NR3C2: variants seen among roughly 807,000 people sequenced by gnomAD.
The protein encoded by NR3C2 is mineralocorticoid receptor.
In NR3C2, 15 loss-of-function variants were observed where a neutral mutation model predicts 86.4. The ratio of observed to expected loss-of-function variants is 0.17; its 90% CI spans 0.12 to 0.27. The LOEUF (loss-of-function observed/expected upper bound fraction) is 0.27, where lower values mean the gene tolerates loss of function less well. NR3C2 is among the 10% of genes least tolerant of loss of function. The pLI, the probability that NR3C2 is intolerant of heterozygous loss-of-function variation, is 1.00. For synonymous variants in NR3C2, 458 were observed against 450.5 expected, an observed-to-expected ratio of 1.02 and a Z score of -0.21; for missense variants, 960 against 1,195.6, an observed-to-expected ratio of 0.80 and a Z score of 2.91.
intron 4 of NR3C2, among the ~76,000 whole-genome samples, chr4:148,173,164 G>A (rs1400795588): frequency 6.6e-6 from 1 of 152,232 alleles, no homozygotes; most frequent in African/African-American, 2.4e-5. Flanking sequence ...GGGGAATGAG[G>A]TGGGTGACAG....
intron 6 of NR3C2, among the ~76,000 whole-genome samples, chr4:148,132,716 T>C (rs1733093319): frequency 6.6e-6 from 1 of 152,166 alleles, no homozygotes; most frequent in Non-Finnish European, 1.5e-5. Flanking sequence ...GGAAAGGCAG[T>C]CAAACCTCAC....
rs781161424 is a variant in NR3C2 at position 148,114,080 on chromosome 4, G to C, written c.2799+24C>G. ...ATGTGGTTGCTGATCCTTCACTTAG[G>C]AACCAAGGAGGGGCTCTACTCACGT... On this transcript the variant is annotated intron_variant, in intron 8 of 8. Coordinates refer to ENST00000358102, the MANE Select transcript of NR3C2 (RefSeq NM_000901.5). 4.6e-5 allele frequency: 74 copies of C among 1,611,748 alleles called. No individual in the cohort carries two copies. The South Asian group carries it at 8.0e-4, about 17-fold the overall frequency.
chr4:148,421,088 G>GA (rs1302261421), intron 2 of NR3C2, among the ~76,000 whole-genome samples: 1 of 152,182 alleles, frequency 6.6e-6, no homozygotes, highest in Non-Finnish European at 1.5e-5. Flanking sequence ...AATGCTTGCT[G>GA]AAAGAAAATC....
At chr4:148,209,954 CCCT>C (rs1378003794) in intron 3 of NR3C2, among the ~76,000 whole-genome samples, 1 of 152,186 alleles carries the variant, frequency 6.6e-6, no homozygotes, top group Non-Finnish European at 1.5e-5. Context: ...TTGCAGCCTG[CCCT>C]TGCTACAGAG....
At chr4:148,276,886 T>A (rs573784723) in intron 2 of NR3C2, among the ~76,000 whole-genome samples, 2 of 152,348 alleles carry the variant, frequency 1.3e-5, no homozygotes, top group East Asian at 3.9e-4. Context: ...GATAAATGTC[T>A]TTTATAAAGT....
chr4:148,084,969 A>G (rs999598367), intron 8 of NR3C2, among the ~76,000 whole-genome samples: 1 of 152,164 alleles, frequency 6.6e-6, no homozygotes, highest in Non-Finnish European at 1.5e-5. Flanking sequence ...CTAAATATAT[A>G]TGCACCCAAT....
At chr4:148,319,771 T>C (rs1443596100) in intron 2 of NR3C2, among the ~76,000 whole-genome samples, 1 of 150,714 alleles carries the variant, frequency 6.6e-6, no homozygotes, top group Non-Finnish European at 1.5e-5. Flanking sequence ...CTTAAGGAGA[T>C]TTTGGGTTGA....
chr4:148,123,596 C>T (rs1337363065), intron 6 of NR3C2, among the ~76,000 whole-genome samples: 1 of 152,196 alleles, frequency 6.6e-6, no homozygotes, highest in Non-Finnish European at 1.5e-5. Flanking sequence ...GTGATGCCAC[C>T]CCCAGTGGCC....
chr4:148,430,212 AT>A (rs1359865698), intron 2 of NR3C2, among the ~76,000 whole-genome samples: 9 of 152,158 alleles, frequency 5.9e-5, no homozygotes, highest in Admixed American at 2.6e-4. Context: ...TGAAAATTGC[AT>A]TAAGTGGAAT....
chr4:148,242,544 C>G (rs928422070), intron 3 of NR3C2, among the ~76,000 whole-genome samples: 1 of 152,158 alleles, frequency 6.6e-6, no homozygotes, highest in African/African-American at 2.4e-5. Flanking sequence ...CCTGTGGGCC[C>G]TGAATTTACT....
At chr4:148,100,953 A>G (rs1052138991) in intron 8 of NR3C2, among the ~76,000 whole-genome samples, 6 of 152,206 alleles carry the variant, frequency 3.9e-5, no homozygotes, top group African/African-American at 1.4e-4. Flanking sequence ...AAGTGAAATG[A>G]GCCAGTCATA....
intron 7 of NR3C2, among the ~76,000 whole-genome samples, chr4:148,116,670 G>A (rs555423157): frequency 1.3e-5 from 2 of 152,192 alleles, no homozygotes; most frequent in Non-Finnish European, 2.9e-5. Context: ...TTCATAAAAT[G>A]CTTTACCTAT....
At position 148,238,673 on chromosome 4, in the gene NR3C2, T is replaced by C. The variant is rs563110640; in HGVS notation, c.1897+21305A>G. On this transcript the variant is annotated intron_variant, in intron 3 of 8. Transcript: ENST00000358102. ...CCTATGACTTTGAGGAGACTCTGTA[T>C]CTGGGTTTACAGCTCATTCACTTAT... Among the ~76,000 whole-genome samples, 4 of 152,316 alleles carry C rather than the reference T, an allele frequency of 2.6e-5. No individual in the cohort carries two copies. In the East Asian group the frequency reaches 7.7e-4, roughly 29 times the overall value.
chr4:148,262,598 G>T (rs1333620033), intron 2 of NR3C2, among the ~76,000 whole-genome samples: 3 of 152,070 alleles, frequency 2.0e-5, no homozygotes, highest in Non-Finnish European at 4.4e-5. Flanking sequence ...TTCATATGCT[G>T]AAGTCCTAGC....
intron 3 of NR3C2, among the ~76,000 whole-genome samples, chr4:148,195,286 C>A (rs1736388946): frequency 6.6e-6 from 1 of 152,144 alleles, no homozygotes; most frequent in Non-Finnish European, 1.5e-5. Context: ...ATTTCACTTT[C>A]AAATTATACA....
intron 8 of NR3C2, among the ~76,000 whole-genome samples, chr4:148,103,395 G>C (rs1442461846): frequency 1.3e-5 from 2 of 152,174 alleles, no homozygotes; most frequent in African/African-American, 2.4e-5. Flanking sequence ...GCATGGTAGA[G>C]GCTACCACGT....
At chr4:148,108,071 A>G (rs1474705532) in intron 8 of NR3C2, among the ~76,000 whole-genome samples, 2 of 152,096 alleles carry the variant, frequency 1.3e-5, no homozygotes, top group African/African-American at 4.8e-5. Flanking sequence ...GCAGTATGTC[A>G]TTTGTGGTTA....
Position 148,435,113 on chromosome 4 carries a change from T to C in NR3C2, c.1748A>G (p.Asn583Ser), listed in dbSNP as rs775482238. Reference protein sequence around the residue: ...GYPVLEYIPENVSSSTLRSVS... With the variant: ...GYPVLEYIPESVSSSTLRSVS... ...GAGAAAACCAACTTACCTTGATACA[T>C]TTTCTGGAATGTATTCTAAGACCGG... The change falls in exon 2 of 9, where the codon AAT (asparagine) becomes AGT (serine). Residue 583 changes from asparagine to serine, a missense_variant. Coordinates refer to ENST00000358102, the MANE Select transcript of NR3C2 (RefSeq NM_000901.5). 2.5e-6 allele frequency: 4 copies of C among 1,614,100 alleles called. No homozygotes were observed. Among genetic ancestry groups the C allele is most frequent in the Non-Finnish European group, 3.4e-6 (4 of 1,180,034 alleles).
At chr4:148,353,414 T>C (rs1435960810) in intron 2 of NR3C2, among the ~76,000 whole-genome samples, 1 of 152,084 alleles carries the variant, frequency 6.6e-6, no homozygotes, top group East Asian at 1.9e-4. Flanking sequence ...TTTAAATACG[T>C]CAATATAATT....
Sources: allele counts gnomAD v4.1 joint callset (sites outside exome capture counted in the v4.1 genomes callset), GRCh38; gene constraint gnomAD v4.1.1; transcripts MANE v1.5; gene names NCBI Gene and HGNC (gene_info 2026-07-23, HGNC 2026-07-21).